NAV1: variants seen among roughly 807,000 people sequenced by gnomAD.
The protein encoded by NAV1 is pore membrane and/or filament interacting like protein 3.
Under a neutral mutation model 175.2 loss-of-function variants are expected in NAV1, and 18 were observed. The observed-to-expected ratio is 0.10, with a 90% CI of 0.07 to 0.15. The LOEUF is 0.15. Ranked by LOEUF, NAV1 falls within the 10% of genes least tolerant of loss-of-function variation. The probability of loss-of-function intolerance (pLI) is 1.00; values close to 1 mark genes in which losing one functional copy is unlikely to be tolerated. For missense variants in NAV1, 1,731 were observed against 2,436.6 expected (o/e 0.71, Z 6.10); for synonymous variants, 897 against 978.7 (o/e 0.92, Z 1.56).
At chr1:201,777,263 G>A (rs1676014815) in intron 3 of NAV1, among the ~76,000 whole-genome samples, 1 of 152,192 alleles carries the variant, frequency 6.6e-6, no homozygotes, top group African/African-American at 2.4e-5. Flanking sequence ...ATGAAGTGTG[G>A]TCGCATAATG....
intron 3 of NAV1, among the ~76,000 whole-genome samples, chr1:201,727,753 G>T (rs1275480324): frequency 6.6e-6 from 1 of 152,234 alleles, no homozygotes; most frequent in East Asian, 1.9e-4. Flanking sequence ...GGCAACTGGG[G>T]CTTACGGATT....
Position 201,740,471 on chromosome 1 carries a change from G to T in NAV1, c.1226+21716G>T, listed in dbSNP as rs547021276. On this transcript the variant is annotated intron_variant, in intron 3 of 29. Transcript: ENST00000367296. This position sits in a 1 kb window ranked among gnomAD's most constrained non-coding sequence, Gnocchi z 4.7. Reference sequence around the variant, plus strand: ...GGGGGCCCGGCCTGTGAGGGTCGGGGGTCCTGGGGACCAGGCGGGTGGAAG... The same window carrying T: ...GGGGGCCCGGCCTGTGAGGGTCGGGTGTCCTGGGGACCAGGCGGGTGGAAG... 2.6e-5 allele frequency among the ~76,000 whole-genome samples: 4 copies of T among 152,324 alleles called. No individual in the cohort carries two copies. Among genetic ancestry groups the T allele is most frequent in the East Asian group, 1.9e-4 (1 of 5,170 alleles).
At chr1:201,631,553 A>G (rs186179354) in intron 2 of NAV1, among the ~76,000 whole-genome samples, 2 of 152,330 alleles carry the variant, frequency 1.3e-5, no homozygotes, top group Admixed American at 1.3e-4. Flanking sequence ...CCAGGGATTC[A>G]CTCCAGTGAG....
At chr1:201,607,044 T>C (rs1237580185) in intron 2 of NAV1, among the ~76,000 whole-genome samples, 1 of 152,144 alleles carries the variant, frequency 6.6e-6, no homozygotes, top group East Asian at 1.9e-4. Flanking sequence ...GTCGCACTGT[T>C]ATACATAATA....
chr1:201,583,097 A>T (rs1666915697), intron 1 of NAV1, among the ~76,000 whole-genome samples: 1 of 152,238 alleles, frequency 6.6e-6, no homozygotes, highest in African/African-American at 2.4e-5. Context: ...CTGACTGTCC[A>T]GGTGTCTGAG....
At chr1:201,670,534 T>C (rs1571874874) in intron 1 of NAV1, among the ~76,000 whole-genome samples, 1 of 151,542 alleles carries the variant, frequency 6.6e-6, no homozygotes, top group South Asian at 2.1e-4. Flanking sequence ...GCAGCAGCAG[T>C]GATGGTGGCA....
At chr1:201,790,402 C>T (rs961498308) in intron 11 of NAV1, 152 bp from the exon 16 acceptor site, 3 of 805,352 alleles carry the variant, frequency 3.7e-6, no homozygotes, top group Non-Finnish European at 6.1e-6. Flanking sequence ...CTGTGAGGAG[C>T]CAGGGCCAGG....
At chr1:201,768,398 G>A (rs1270650837) in intron 3 of NAV1, among the ~76,000 whole-genome samples, 4 of 151,124 alleles carry the variant, frequency 2.6e-5, no homozygotes, top group Admixed American at 2.0e-4. Flanking sequence ...AGCATTTTGG[G>A]AGTCCAAGGC....
intron 1 of NAV1, among the ~76,000 whole-genome samples, chr1:201,574,673 G>A (rs521075): frequency 0.16 from 23,670 of 152,142 alleles, 2,767 homozygotes; most frequent in East Asian, 0.37. Context: ...AGCCCAATTC[G>A]TGGCACAAGA....
intron 8 of NAV1, among the ~76,000 whole-genome samples, chr1:201,785,585 C>T (rs1466631635): frequency 6.6e-6 from 1 of 152,050 alleles, no homozygotes; most frequent in African/African-American, 2.4e-5. Flanking sequence ...AACAAGTTTG[C>T]ACATGGGAAT....
At chr1:201,804,579 TAAA>T (rs377039916) in intron 17 of NAV1, 82 bp downstream of exon 21, 15,754 of 348,010 alleles carry the variant, frequency 0.045, no homozygotes, top group South Asian at 0.051. Context: ...TCCCTTCCCC[TAAA>T]AAAAAAAAAA....
chr1:201,583,570 T>C (rs1022747032), intron 1 of NAV1, among the ~76,000 whole-genome samples: 1 of 152,164 alleles, frequency 6.6e-6, no homozygotes, highest in African/African-American at 2.4e-5. Flanking sequence ...GGACAGAGGG[T>C]GGCACTTGGG....
intron 3 of NAV1, among the ~76,000 whole-genome samples, chr1:201,766,179 GC>G (rs1675199884): frequency 6.6e-6 from 1 of 152,116 alleles, no homozygotes. Context: ...ACTTGGCAAA[GC>G]CTTAACTCAA....
At position 201,790,590 on chromosome 1, in the gene NAV1, G is replaced by A; in HGVS notation, c.3243+13G>A. 2.5e-6 allele frequency: 4 copies of A among 1,614,098 alleles called. No individual in the cohort carries two copies. Among genetic ancestry groups the A allele is most frequent in the Non-Finnish European group, 3.4e-6 (4 of 1,180,024 alleles). Reference sequence around the variant, plus strand: ...GATGCAATCTGAGGTAGGGTGGAAAGCCTTTGTCTCTGCTTGTTAACATCA... The same window carrying A: ...GATGCAATCTGAGGTAGGGTGGAAAACCTTTGTCTCTGCTTGTTAACATCA... On this transcript the variant is annotated intron_variant, in intron 12 of 29. Transcript: ENST00000367296.
At chr1:201,644,300 G>A (rs1268331588), upstream of NAV1, among the ~76,000 whole-genome samples, 2 of 152,198 alleles carry the variant, frequency 1.3e-5, no homozygotes, top group Admixed American at 6.5e-5. Flanking sequence ...TAATGTGACA[G>A]GGCAGGTCCT....
chr1:201,790,821 C>CCT, intron 13 of NAV1, 55 bp downstream of exon 17: 1 of 1,579,244 alleles, frequency 6.3e-7, no homozygotes, highest in Middle Eastern at 1.8e-4. Flanking sequence ...TATCGTTAGA[C>CCT]AAGTTCAGCC....
chr1:201,630,188 T>TA (rs1668445789), intron 2 of NAV1, among the ~76,000 whole-genome samples: 1 of 152,174 alleles, frequency 6.6e-6, no homozygotes. Context: ...CAGCAGCACT[T>TA]ACGGACGTGT....
chr1:201,816,226 C>T (rs1199145399), intron 28 of NAV1, among the ~76,000 whole-genome samples: 3 of 152,040 alleles, frequency 2.0e-5, no homozygotes, highest in Non-Finnish European at 4.4e-5. Flanking sequence ...AAAAAATTAG[C>T]CGAGCGTGGT....
rs776167179 is a variant in NAV1 at position 201,788,550 on chromosome 1, C to T, written c.3078C>T (p.Ser1026=). 6.8e-6 allele frequency: 11 copies of T among 1,614,036 alleles called. No individual in the cohort carries two copies. The highest frequency in any genetic ancestry group is 3.3e-5 in the South Asian group (3 of 91,092). ...ACGAGGCGGCCTTCGAGCTGTACAGCGGCTCCCAAATGGGGAGCACCCTGT... is the reference window on the plus strand; with the variant it reads ...ACGAGGCGGCCTTCGAGCTGTACAGTGGCTCCCAAATGGGGAGCACCCTGT... Residue 1026 remains serine, a synonymous_variant, in exon 10 of 30, where the codon AGC becomes AGT. Coordinates refer to ENST00000367296, the Ensembl canonical transcript of NAV1. The surrounding 1 kb of genome is among the most constrained non-coding windows in gnomAD (Gnocchi z 5.7).
Sources: gnomAD v4.1 joint callset for allele counts (sites outside exome capture counted in the v4.1 genomes callset) on GRCh38, gnomAD v4.1.1 for gene constraint, Gnocchi (gnomAD v3.1) non-coding constraint, MANE v1.5 for transcripts, NCBI Gene and HGNC (gene_info 2026-07-23, HGNC 2026-07-21) for gene names.